SGCZ: variants seen among roughly 807,000 people sequenced by gnomAD.
SGCZ encodes the protein zeta-sarcoglycan.
Under a neutral mutation model 41.3 loss-of-function variants are expected in SGCZ, and 40 were observed. The observed-to-expected ratio is 0.97, with a 90% CI of 0.75 to 1.26. The LOEUF (loss-of-function observed/expected upper bound fraction) is 1.26, where lower values mean the gene tolerates loss of function less well. SGCZ is among the 50% of genes most tolerant of loss of function. The probability of loss-of-function intolerance (pLI) is 0.00; values close to 1 mark genes in which losing one functional copy is unlikely to be tolerated. For missense variants in SGCZ, 552 were observed against 369.8 expected (o/e 1.49, Z -4.04); for synonymous variants, 206 against 137.5 (o/e 1.50, Z -3.49).
intron 3 of SGCZ, among the ~76,000 whole-genome samples, chr8:14,266,507 A>T (rs1799871434): frequency 6.6e-6 from 1 of 152,156 alleles, no homozygotes. Flanking sequence ...CCCAAGAAGA[A>T]ATGCAGGACA....
chr8:14,490,613 G>C (rs989329236), intron 2 of SGCZ, among the ~76,000 whole-genome samples: 1 of 152,144 alleles, frequency 6.6e-6, no homozygotes, highest in Non-Finnish European at 1.5e-5. Flanking sequence ...ATAGAAATAA[G>C]TGTTGATTTG....
chr8:14,248,237 T>A (rs1303158235), intron 3 of SGCZ, among the ~76,000 whole-genome samples: 1 of 152,206 alleles, frequency 6.6e-6, no homozygotes, highest in East Asian at 1.9e-4. Flanking sequence ...TTCTGTAGTA[T>A]TGCATGCTTA....
intron 1 of SGCZ, among the ~76,000 whole-genome samples, chr8:15,206,654 T>C (rs1460490455): frequency 6.6e-6 from 1 of 152,036 alleles, no homozygotes; most frequent in Non-Finnish European, 1.5e-5. Context: ...TCACCATCTT[T>C]GCCAGGCTGG....
At chr8:15,070,282 C>G (rs951821254) in intron 1 of SGCZ, among the ~76,000 whole-genome samples, 6 of 152,086 alleles carry the variant, frequency 3.9e-5, no homozygotes. Flanking sequence ...TTCATTTTAC[C>G]ATGAGAGCTC....
At chr8:15,089,352 G>C (rs925141590) in intron 1 of SGCZ, among the ~76,000 whole-genome samples, 3 of 152,038 alleles carry the variant, frequency 2.0e-5, no homozygotes, top group African/African-American at 4.8e-5. Flanking sequence ...GATTTCTCCT[G>C]TCTGACTGGG....
At chr8:14,502,082 G>A (rs1296197986) in intron 2 of SGCZ, among the ~76,000 whole-genome samples, 1 of 151,976 alleles carries the variant, frequency 6.6e-6, no homozygotes, top group Non-Finnish European at 1.5e-5. Context: ...TTGTTTGTCA[G>A]GTAGTTTACA....
At chr8:14,218,747 T>C (rs899489002) in intron 4 of SGCZ, among the ~76,000 whole-genome samples, 1 of 152,220 alleles carries the variant, frequency 6.6e-6, no homozygotes, top group African/African-American at 2.4e-5. Context: ...AAATGTGTCG[T>C]AAAGCAGCAG....
chr8:14,325,264 A>G (rs1276805619), intron 2 of SGCZ, among the ~76,000 whole-genome samples: 1 of 152,064 alleles, frequency 6.6e-6, no homozygotes, highest in African/African-American at 2.4e-5. Context: ...GGTGGAAGAA[A>G]AATTTACAGA....
intron 1 of SGCZ, among the ~76,000 whole-genome samples, chr8:14,966,859 G>C (rs191039746): frequency 1.3e-5 from 2 of 152,122 alleles, no homozygotes; most frequent in Non-Finnish European, 1.5e-5. Flanking sequence ...AAAAACATAC[G>C]GGAAAGCTGT....
chr8:14,711,162 A>T (rs1003853198), intron 1 of SGCZ, among the ~76,000 whole-genome samples: 7 of 152,218 alleles, frequency 4.6e-5, no homozygotes, highest in African/African-American at 1.7e-4. Flanking sequence ...GCAAGTCACT[A>T]TGGACTTAAT....
At chr8:14,712,788 C>G (rs73529206) in intron 1 of SGCZ, among the ~76,000 whole-genome samples, 5 of 152,072 alleles carry the variant, frequency 3.3e-5, no homozygotes, top group Non-Finnish European at 7.3e-5. Flanking sequence ...CTCTAGTAAC[C>G]CTGTTTAAAT....
chr8:15,222,786 T>C (rs1445965643), intron 1 of SGCZ, among the ~76,000 whole-genome samples: 12 of 152,062 alleles, frequency 7.9e-5, no homozygotes, highest in Admixed American at 6.6e-5. Flanking sequence ...TGTGTGTGTA[T>C]GCGTGCATGT....
At chr8:14,838,779 T>C (rs1361925376) in intron 1 of SGCZ, among the ~76,000 whole-genome samples, 2 of 152,182 alleles carry the variant, frequency 1.3e-5, no homozygotes, top group Non-Finnish European at 2.9e-5. Flanking sequence ...CTTGTATCTT[T>C]TCGTGGAGCT....
intron 2 of SGCZ, among the ~76,000 whole-genome samples, chr8:14,475,409 A>G (rs535114478): frequency 1.3e-5 from 2 of 152,274 alleles, no homozygotes; most frequent in Admixed American, 1.3e-4. Flanking sequence ...ATTAACTATA[A>G]AAAGGTTTTT....
At chr8:14,501,223 C>G (rs1204186282) in intron 2 of SGCZ, among the ~76,000 whole-genome samples, 2 of 151,728 alleles carry the variant, frequency 1.3e-5, no homozygotes, top group Admixed American at 6.6e-5. Flanking sequence ...CTTGCCTCTT[C>G]TACCTATTAA....
At chr8:15,137,949 G>C (rs888150916) in intron 1 of SGCZ, among the ~76,000 whole-genome samples, 1 of 152,132 alleles carries the variant, frequency 6.6e-6, no homozygotes, top group Non-Finnish European at 1.5e-5. Context: ...AGCTTGCACT[G>C]TGTGCCTGGA....
rs183946088 is a variant in SGCZ, at chr8:14,394,518, T to G, written c.235-70314A>C. ...AGAAACACTTTTTAATGATGACACA[T>G]GTACATCTTGAGACAAAGTTTGATT... is the stretch of plus-strand genomic sequence containing the variant. On this transcript the variant is annotated intron_variant, in intron 2 of 7. Coordinates refer to ENST00000382080, the MANE Select transcript of SGCZ (RefSeq NM_139167.4). Among the ~76,000 whole-genome samples, 389 of 152,302 alleles carry G rather than the reference T, an allele frequency of 2.6e-3. 1 individual carries two copies. Among genetic ancestry groups the G allele is most frequent in the African/African-American group, 8.8e-3 (364 of 41,568 alleles).
intron 3 of SGCZ, among the ~76,000 whole-genome samples, chr8:14,279,718 G>A (rs1800355678): frequency 6.6e-6 from 1 of 151,936 alleles, no homozygotes; most frequent in Non-Finnish European, 1.5e-5. Flanking sequence ...ACACATGAAA[G>A]CAAATTCCAG....
chr8:14,400,819 G>A (rs1324472386), intron 2 of SGCZ, among the ~76,000 whole-genome samples: 1 of 152,060 alleles, frequency 6.6e-6, no homozygotes, highest in South Asian at 2.1e-4. Flanking sequence ...TGAATCCATA[G>A]AGTACTCAAC....
Sources: allele counts gnomAD v4.1 joint callset (sites outside exome capture counted in the v4.1 genomes callset), GRCh38; gene constraint gnomAD v4.1.1; transcripts MANE v1.5; gene names NCBI Gene and HGNC (gene_info 2026-07-23, HGNC 2026-07-21).